The following SUCLG2 variants were observed in gnomAD, a reference collection of about 807,000 sequenced individuals.
SUCLG2 encodes the protein succinate--CoA ligase [GDP-forming] subunit beta, mitochondrial.
In SUCLG2, 42 loss-of-function variants were observed where a neutral mutation model predicts 47.9. That is an observed-to-expected ratio of 0.88 (90% CI 0.69 to 1.14). SUCLG2 has a LOEUF of 1.14. Among genes scored for constraint, SUCLG2 ranks in the 50% most tolerant of loss-of-function variants. The pLI is 0.00. For synonymous variants in SUCLG2, 195 were observed against 197.3 expected (o/e 0.99, Z 0.10); for missense variants, 571 against 525.9 (o/e 1.09, Z -0.84).
chr3:67,419,085 C>T (rs1274247802), intron 9 of SUCLG2, among the ~76,000 whole-genome samples: 1 of 152,116 alleles, frequency 6.6e-6, no homozygotes, highest in Non-Finnish European at 1.5e-5. Context: ...TACAAAAGCA[C>T]GCTCAGTCAT....
chr3:67,511,662 C>T (rs1705794136), intron 6 of SUCLG2, among the ~76,000 whole-genome samples: 1 of 152,172 alleles, frequency 6.6e-6, no homozygotes, highest in African/African-American at 2.4e-5. Context: ...TCTTTATTAT[C>T]AGCGTGAGAA....
intron 2 of SUCLG2, among the ~76,000 whole-genome samples, chr3:67,534,805 C>T (rs1706497778): frequency 7.5e-6 from 1 of 132,950 alleles, no homozygotes; most frequent in Non-Finnish European, 1.5e-5. Context: ...AAAAAATGCC[C>T]ATGTGACATC....
chr3:67,516,699 CAA>C (rs1559554844), intron 6 of SUCLG2, among the ~76,000 whole-genome samples: 1 of 152,178 alleles, frequency 6.6e-6, no homozygotes, highest in Non-Finnish European at 1.5e-5. Context: ...GTAGGATGGA[CAA>C]AGTCCCTGCC....
At chr3:67,580,862 G>A (rs1328060847) in intron 2 of SUCLG2, among the ~76,000 whole-genome samples, 1 of 152,194 alleles carries the variant, frequency 6.6e-6, no homozygotes, top group African/African-American at 2.4e-5. Flanking sequence ...ATTAAATTGA[G>A]CTGTTTGTGG....
chr3:67,559,160 C>A (rs1384496127), intron 2 of SUCLG2, among the ~76,000 whole-genome samples: 1 of 152,122 alleles, frequency 6.6e-6, no homozygotes, highest in African/African-American at 2.4e-5. Context: ...ATCCCTTCTA[C>A]AGCTAACATA....
At chr3:67,372,568 A>G (rs1220598414), downstream of SUCLG2, among the ~76,000 whole-genome samples, 1 of 152,162 alleles carries the variant, frequency 6.6e-6, no homozygotes, top group Non-Finnish European at 1.5e-5. Flanking sequence ...TAGGAACAGC[A>G]TATGTTCAAA....
chr3:67,395,448 G>C (rs536749687), intron 10 of SUCLG2, among the ~76,000 whole-genome samples: 1 of 152,116 alleles, frequency 6.6e-6, no homozygotes, highest in Admixed American at 6.6e-5. Flanking sequence ...AATGGTAAAG[G>C]GATCAATTCA....
At chr3:67,488,873 A>C (rs769329450) in intron 9 of SUCLG2, among the ~76,000 whole-genome samples, 1 of 152,196 alleles carries the variant, frequency 6.6e-6, no homozygotes, top group Admixed American at 6.5e-5. Context: ...AGGACTCGTA[A>C]TCAATTCCGG....
intron 1 of SUCLG2, among the ~76,000 whole-genome samples, chr3:67,636,747 C>T (rs897045112): frequency 4.0e-5 from 6 of 151,862 alleles, no homozygotes; most frequent in African/African-American, 7.3e-5. Context: ...CTGCCCACCT[C>T]GGCCTCCCAA....
intron 1 of SUCLG2, among the ~76,000 whole-genome samples, chr3:67,638,004 A>G (rs1193296512): frequency 6.6e-6 from 1 of 152,252 alleles, no homozygotes; most frequent in Non-Finnish European, 1.5e-5. Context: ...TGTTTACTTT[A>G]TAATTACATG....
At chr3:67,649,945 G>A (rs908713079) in intron 1 of SUCLG2, among the ~76,000 whole-genome samples, 1 of 152,188 alleles carries the variant, frequency 6.6e-6, no homozygotes, top group African/African-American at 2.4e-5. Flanking sequence ...GGGCAGGAAT[G>A]TTCTCACTAC....
chr3:67,542,032 C>T (rs1292876857), intron 2 of SUCLG2, among the ~76,000 whole-genome samples: 1 of 151,998 alleles, frequency 6.6e-6, no homozygotes, highest in Non-Finnish European at 1.5e-5. Flanking sequence ...CACCACCACA[C>T]CTGGCTAATT....
chr3:67,408,497 A>G, intron 9 of SUCLG2: 1 of 490,162 alleles, frequency 2.0e-6, no homozygotes, highest in Non-Finnish European at 2.7e-6. Context: ...CTCTGAACTG[A>G]TAGCATGGAA....
chr3:67,568,750 G>A (rs1020758958), intron 2 of SUCLG2, among the ~76,000 whole-genome samples: 14 of 152,272 alleles, frequency 9.2e-5, no homozygotes, highest in African/African-American at 1.4e-4. Flanking sequence ...AGCCGGGCGT[G>A]GTAGCGGGCG....
intron 4 of SUCLG2, among the ~76,000 whole-genome samples, chr3:67,521,366 CAG>C (rs1706096855): frequency 6.6e-6 from 1 of 152,096 alleles, no homozygotes; most frequent in Non-Finnish European, 1.5e-5. Flanking sequence ...CATGACTAGA[CAG>C]GGGACAAGTG....
intron 9 of SUCLG2, among the ~76,000 whole-genome samples, chr3:67,454,439 C>T (rs1464061414): frequency 1.3e-5 from 2 of 151,860 alleles, no homozygotes; most frequent in East Asian, 3.9e-4. Flanking sequence ...AATTATACAG[C>T]CTACCCATGT....
At chr3:67,485,275 A>G (rs1705022356) in intron 9 of SUCLG2, among the ~76,000 whole-genome samples, 1 of 152,142 alleles carries the variant, frequency 6.6e-6, no homozygotes. Context: ...GAATTATGTT[A>G]ATTTTCCTTT....
At chr3:67,421,957 G>C (rs1187157535) in intron 9 of SUCLG2, among the ~76,000 whole-genome samples, 1 of 152,098 alleles carries the variant, frequency 6.6e-6, no homozygotes, top group African/African-American at 2.4e-5. Flanking sequence ...TCAATTCTTT[G>C]AATAAAAGCA....
intron 2 of SUCLG2, among the ~76,000 whole-genome samples, chr3:67,597,749 C>G (rs1708325658): frequency 6.6e-6 from 1 of 151,932 alleles, no homozygotes; most frequent in African/African-American, 2.4e-5. Context: ...ACCAGCCTGG[C>G]CAATATGGTA....
Sources: allele counts gnomAD v4.1 joint callset (sites outside exome capture counted in the v4.1 genomes callset), GRCh38; gene constraint gnomAD v4.1.1; transcripts MANE v1.5; gene names NCBI Gene and HGNC (gene_info 2026-07-23, HGNC 2026-07-21).